ATOSA: variants seen among roughly 807,000 people sequenced by gnomAD.
ATOSA encodes atos homolog protein A.
the ATOSA span, among the ~76,000 whole-genome samples, chr15:52,637,473 T>C: frequency 6.6e-6 from 1 of 152,176 alleles, no homozygotes; most frequent in Non-Finnish European, 1.5e-5. Context: ...CCATGCTCAA[T>C]CACCCAAGCC....
chr15:52,592,795 G>A, the ATOSA span, among the ~76,000 whole-genome samples: 1 of 152,156 alleles, frequency 6.6e-6, no homozygotes, highest in African/African-American at 2.4e-5. Context: ...ACTCCTCTTA[G>A]TTATTTCACT....
the ATOSA span, among the ~76,000 whole-genome samples, chr15:52,672,090 A>G: frequency 7.1e-6 from 1 of 141,244 alleles, no homozygotes; most frequent in African/African-American, 2.6e-5. Context: ...TAATCCCAGC[A>G]CTTTGAGAGG....
chr15:52,600,217 G>A, the ATOSA span: 379 of 1,606,184 alleles, frequency 2.4e-4, 1 homozygote, highest in Non-Finnish European at 2.1e-4. Flanking sequence ...CATCTTCAAT[G>A]TTTAAACATG....
At chr15:52,695,048 C>A in the ATOSA span, among the ~76,000 whole-genome samples, 1 of 151,938 alleles carries the variant, frequency 6.6e-6, no homozygotes, top group African/African-American at 2.4e-5. Flanking sequence ...CCTCGGCCTC[C>A]CAAGAAGCTG....
At chr15:52,679,428 G>A in the ATOSA span, 3 of 152,450 alleles carry the variant, frequency 2.0e-5, no homozygotes, top group East Asian at 5.8e-4. Flanking sequence ...ACCCACCCCG[G>A]TCGTCACTTC....
chr15:52,583,684 C>A, the ATOSA span, among the ~76,000 whole-genome samples: 1 of 152,196 alleles, frequency 6.6e-6, no homozygotes, highest in Non-Finnish European at 1.5e-5. Context: ...CCGTGCCCGG[C>A]TATACCATGT....
chr15:52,600,059 T>C, the ATOSA span: 1 of 689,820 alleles, frequency 1.4e-6, no homozygotes, highest in Non-Finnish European at 2.4e-6. Flanking sequence ...GTTAAAGACA[T>C]ATAAAATGAC....
chr15:52,613,625 A>C, the ATOSA span: 1 of 1,532,608 alleles, frequency 6.5e-7, no homozygotes, highest in Non-Finnish European at 8.9e-7. Flanking sequence ...TGATGAACAT[A>C]AACTAGTTTA....
At chr15:52,671,303 C>T in the ATOSA span, among the ~76,000 whole-genome samples, 1 of 152,108 alleles carries the variant, frequency 6.6e-6, no homozygotes, top group Non-Finnish European at 1.5e-5. Flanking sequence ...GTGATAACAG[C>T]CTAACAGTCA....
the ATOSA span, among the ~76,000 whole-genome samples, chr15:52,623,015 C>T: frequency 2.0e-5 from 3 of 149,976 alleles, no homozygotes; most frequent in East Asian, 3.9e-4. Context: ...ATAAATAAAG[C>T]CAGGTGTGTA....
At chr15:52,635,372 G>A in the ATOSA span, among the ~76,000 whole-genome samples, 1 of 152,166 alleles carries the variant, frequency 6.6e-6, no homozygotes, top group East Asian at 1.9e-4. Flanking sequence ...ATCATATTCT[G>A]AGCCATGAAA....
the ATOSA span, among the ~76,000 whole-genome samples, chr15:52,633,382 C>T: frequency 5.3e-5 from 8 of 152,178 alleles, no homozygotes; most frequent in Non-Finnish European, 1.0e-4. Flanking sequence ...GGCCAGCAGA[C>T]AGGACAGGAC....
chr15:52,652,148 G>A, the ATOSA span: 3 of 1,113,026 alleles, frequency 2.7e-6, no homozygotes, highest in African/African-American at 4.8e-5. Flanking sequence ...GTCCACTACA[G>A]CTTCCTGTCT....
At chr15:52,649,594 A>G in the ATOSA span, 2 of 152,174 alleles carry the variant, frequency 1.3e-5, no homozygotes, top group African/African-American at 4.8e-5. Context: ...TAAAGAGGCA[A>G]AAACAAAAAA....
At chr15:52,613,802 G>A in the ATOSA span, 1 of 1,613,848 alleles carries the variant, frequency 6.2e-7, no homozygotes, top group South Asian at 1.1e-5. Flanking sequence ...TTATCAGCAA[G>A]GCCAAAGAGA....
the ATOSA span, among the ~76,000 whole-genome samples, chr15:52,664,116 A>G: frequency 6.6e-6 from 1 of 152,142 alleles, no homozygotes; most frequent in African/African-American, 2.4e-5. Flanking sequence ...ACAGAAGGCC[A>G]CTCTGCCTTG....
chr15:52,634,785 A>G, the ATOSA span, among the ~76,000 whole-genome samples: 9 of 152,052 alleles, frequency 5.9e-5, no homozygotes, highest in Admixed American at 5.9e-4. Context: ...TATTTTTGGT[A>G]GAGACGGGGT....
the ATOSA span, among the ~76,000 whole-genome samples, chr15:52,673,388 T>A: frequency 1.3e-5 from 2 of 152,242 alleles, no homozygotes; most frequent in Non-Finnish European, 2.9e-5. Context: ...TAAGAGCATA[T>A]GCTCAAGTTC....
At chr15:52,676,557 A>G in the ATOSA span, among the ~76,000 whole-genome samples, 1 of 152,196 alleles carries the variant, frequency 6.6e-6, no homozygotes, top group Non-Finnish European at 1.5e-5. Flanking sequence ...TGTTATTATT[A>G]TGGAATATAA....
Sources: allele counts gnomAD v4.1 joint callset (sites outside exome capture counted in the v4.1 genomes callset), GRCh38; gene constraint gnomAD v4.1.1; transcripts MANE v1.5; gene names NCBI Gene and HGNC (gene_info 2026-07-23, HGNC 2026-07-21).